The following CNTNAP3 variants were observed in gnomAD, a reference collection of about 807,000 sequenced individuals.
CNTNAP3 encodes contactin-associated protein-like 3.
Under a neutral mutation model 92.1 loss-of-function variants are expected in CNTNAP3, and 36 were observed. The ratio of observed to expected loss-of-function variants is 0.39; its 90% CI spans 0.30 to 0.52. CNTNAP3 has a LOEUF of 0.52. CNTNAP3 is among the 20% of genes least tolerant of loss of function. The pLI is 0.76. For missense variants in CNTNAP3, 534 were observed against 1,069.6 expected (o/e 0.50, Z 6.98); for synonymous variants, 232 against 422.3 (o/e 0.55, Z 5.53).
At chr9:39,152,519 T>C (rs1461902922) in intron 9 of CNTNAP3, among the ~76,000 whole-genome samples, 1 of 147,212 alleles carries the variant, frequency 6.8e-6, no homozygotes, top group Admixed American at 6.7e-5. Flanking sequence ...TCACTAATCA[T>C]TAAGAAATAA....
chr9:39,140,554 G>A lies in CNTNAP3; in HGVS notation c.1841C>T (p.Pro614Leu). 1 of 1,613,690 alleles carries A rather than the reference G, an allele frequency of 6.2e-7. No homozygotes were observed. Among genetic ancestry groups the A allele is most frequent in the Non-Finnish European group, 8.5e-7 (1 of 1,179,778 alleles). The stretch of plus-strand genomic sequence containing the variant: ...GCAGTACACAAGAAATGGTCCCAGG[G>A]GGCCACTTCCATCTGCATCAATATA... ...LYYIDADGSG[P>L]LGPFLVYCNM... The change falls in exon 12 of 24, where the codon CCC becomes CTC. Residue 614 changes from proline (P) to leucine (L), a missense_variant. Transcript: ENST00000297668.
At chr9:39,106,514 A>T (rs879149545) in intron 15 of CNTNAP3, 3 of 151,974 alleles carry the variant, frequency 2.0e-5, no homozygotes, top group Non-Finnish European at 2.9e-5. Context: ...TTGAACTCCT[A>T]GGCTCAAGCC....
intron 13 of CNTNAP3, among the ~76,000 whole-genome samples, chr9:39,124,182 C>T (rs954891875): frequency 6.6e-6 from 1 of 151,828 alleles, no homozygotes; most frequent in African/African-American, 2.4e-5. Context: ...TTATAAAGTA[C>T]CAGCACCATT....
intron 23 of CNTNAP3, among the ~76,000 whole-genome samples, chr9:39,074,424 T>C (rs1825700921): frequency 6.9e-6 from 1 of 145,686 alleles, no homozygotes; most frequent in Non-Finnish European, 1.5e-5. Context: ...CAAACACCTA[T>C]TATATTATAA....
rs781458085 is a variant in CNTNAP3 at position 39,132,919 on chromosome 9, G to A, written c.2080+13C>T. ...CCCCGTGAACCCCTGTAGCCTCCAG[G>A]AGTGGCGCTTACCTCGTGAGTCCGG... On this transcript the variant is annotated intron_variant, in intron 13 of 23. Coordinates refer to ENST00000297668, the MANE Select transcript of CNTNAP3 (RefSeq NM_033655.5). 14 of 1,540,816 alleles carry A rather than the reference G, an allele frequency of 9.1e-6. No homozygotes were observed. In the South Asian group the frequency reaches 1.5e-4, roughly 17 times the overall value.
At chr9:39,204,894 A>G in intron 3 of CNTNAP3, among the ~76,000 whole-genome samples, 1 of 43,358 alleles carries the variant, frequency 2.3e-5, no homozygotes, top group African/African-American at 2.2e-4. Flanking sequence ...CTGAAATGAA[A>G]TTTTTTTAAC....
chr9:39,076,534 A>C (rs907870939), intron 23 of CNTNAP3, among the ~76,000 whole-genome samples: 1 of 152,312 alleles, frequency 6.6e-6, no homozygotes, highest in Non-Finnish European at 1.5e-5. Context: ...ATAGTGATGG[A>C]AATGTGAATA....
At chr9:39,080,166 T>A (rs1447762640) in intron 21 of CNTNAP3, among the ~76,000 whole-genome samples, 1 of 136,448 alleles carries the variant, frequency 7.3e-6, no homozygotes, top group Non-Finnish European at 1.5e-5. Flanking sequence ...TACTCTAAGC[T>A]CTCTGCTCAA....
rs1343215360 is a variant in CNTNAP3 at position 39,096,038 on chromosome 9, C to T, written c.2995+3873G>A. On this transcript the variant is annotated intron_variant, in intron 18 of 23. Coordinates refer to ENST00000297668, the MANE Select transcript of CNTNAP3 (RefSeq NM_033655.5). ...ACTCATGTTACCATTTGGTGTCATT[C>T]CTTATTTCAGTACAGCCTTGCTCCC... 2.6e-5 allele frequency among the ~76,000 whole-genome samples: 4 copies of T among 151,528 alleles called. No homozygotes were observed. In the East Asian group the frequency reaches 7.7e-4, roughly 29 times the overall value.
In CNTNAP3 at chr9:39,111,016, T is replaced by A. The variant is rs190919479; in HGVS notation, c.2238-1729A>T. ...TTTCATCATTGCAACACTTTTGTAT[T>A]TTCAAAATAAGGCTTTCTGAATTAA... is the stretch of plus-strand genomic sequence containing the variant. On this transcript the variant is annotated intron_variant, in intron 14 of 23. Transcript: ENST00000297668. Among the ~76,000 whole-genome samples, 457 of 152,270 alleles carry A rather than the reference T, an allele frequency of 3.0e-3. 3 individuals carry two copies. The highest frequency in any genetic ancestry group is 0.01 in the African/African-American group (431 of 41,552).
chr9:39,075,735 C>T (rs1825744905), intron 23 of CNTNAP3, among the ~76,000 whole-genome samples: 1 of 152,304 alleles, frequency 6.6e-6, no homozygotes, highest in Admixed American at 6.5e-5. Flanking sequence ...TTTCCATTGT[C>T]CTGTCATTTC....
At chr9:39,114,539 G>T (rs1020365903) in intron 14 of CNTNAP3, among the ~76,000 whole-genome samples, 2 of 152,008 alleles carry the variant, frequency 1.3e-5, no homozygotes, top group African/African-American at 4.8e-5. Context: ...GCTTTCTTTT[G>T]ATTTGTATTT....
chr9:39,097,731 C>T (rs976510562), intron 18 of CNTNAP3, among the ~76,000 whole-genome samples: 9 of 144,500 alleles, frequency 6.2e-5, no homozygotes, highest in Non-Finnish European at 1.1e-4. Flanking sequence ...GTGGAGCTTC[C>T]GTCATACTGA....
At chr9:39,130,912 TGG>T (rs1821277453) in intron 13 of CNTNAP3, among the ~76,000 whole-genome samples, 1 of 151,660 alleles carries the variant, frequency 6.6e-6, no homozygotes, top group Non-Finnish European at 1.5e-5. Flanking sequence ...CACCTTGGGG[TGG>T]GGGAACTGCT....
intron 14 of CNTNAP3, among the ~76,000 whole-genome samples, chr9:39,114,865 T>C (rs1228891982): frequency 6.6e-6 from 1 of 151,604 alleles, no homozygotes; most frequent in Non-Finnish European, 1.5e-5. Flanking sequence ...AAACAACTTG[T>C]GGATTTTTGC....
In CNTNAP3 at chr9:39,068,747, C is replaced by G. The variant is rs1406605660; in HGVS notation, c.*5143G>C. 1.3e-5 allele frequency among the ~76,000 whole-genome samples: 2 copies of G among 152,426 alleles called. No homozygotes were observed. Among genetic ancestry groups the G allele is most frequent in the South Asian group, 2.1e-4 (1 of 4,834 alleles). The stretch of plus-strand genomic sequence containing the variant: ...TCCATTCAGAGACTTGCTAGGCTTC[C>G]TTAAGCTATCTATCTCCATTGTCAC... On this transcript the variant is annotated 3_prime_UTR_variant, in exon 24 of 24. Coordinates refer to ENST00000297668, the MANE Select transcript of CNTNAP3 (RefSeq NM_033655.5).
At position 39,123,392 on chromosome 9, in the gene CNTNAP3, G is replaced by A. The variant is rs534403332; in HGVS notation, c.2081-5133C>T. Among the ~76,000 whole-genome samples the A allele has an allele frequency of 1.3e-4, 20 of 152,192 alleles. No individual in the cohort carries two copies. The East Asian group carries it at 2.1e-3, about 16-fold the overall frequency. On this transcript the variant is annotated intron_variant, in intron 13 of 23. Coordinates refer to ENST00000297668, the MANE Select transcript of CNTNAP3 (RefSeq NM_033655.5). ...TACAGGCAAGTGAGTCACCGCGCCC[G>A]ACCCTGTTGGACAATTTCAAACGGT...
chr9:39,148,681 A>G (rs1821763683), intron 10 of CNTNAP3, among the ~76,000 whole-genome samples: 1 of 152,028 alleles, frequency 6.6e-6, no homozygotes. Context: ...GCCCGCCACC[A>G]TGCCTGGCTA....
At chr9:39,091,267 G>A (rs2990134) in intron 18 of CNTNAP3, among the ~76,000 whole-genome samples, 26 of 151,138 alleles carry the variant, frequency 1.7e-4, no homozygotes, top group African/African-American at 4.9e-5. Context: ...TTCTTGTCTC[G>A]TTCTTGATCT....
Sources: allele counts gnomAD v4.1 joint callset (sites outside exome capture counted in the v4.1 genomes callset), GRCh38; gene constraint gnomAD v4.1.1; transcripts MANE v1.5; gene names NCBI Gene and HGNC (gene_info 2026-07-23, HGNC 2026-07-21).